The following CPEB3 variants were observed in gnomAD, a reference collection of about 807,000 sequenced individuals.
CPEB3 encodes cytoplasmic polyadenylation element-binding protein 3.
Under a neutral mutation model 67.2 loss-of-function variants are expected in CPEB3, and 20 were observed. The observed-to-expected ratio is 0.30, with a 90% CI of 0.21 to 0.43. The LOEUF (loss-of-function observed/expected upper bound fraction) is 0.43, where lower values mean the gene tolerates loss of function less well. CPEB3 is among the 20% of genes least tolerant of loss of function. The pLI is 1.00. For synonymous variants in CPEB3, 376 were observed against 393.1 expected (o/e 0.96, Z 0.51); for missense variants, 746 against 968.6 (o/e 0.77, Z 3.05).
intron 2 of CPEB3, among the ~76,000 whole-genome samples, chr10:92,219,437 G>C (rs752961513): frequency 6.6e-6 from 1 of 152,112 alleles, no homozygotes; most frequent in Non-Finnish European, 1.5e-5. Flanking sequence ...CCCCTTGTAT[G>C]CTTCAACCTT....
chr10:92,086,206 G>A (rs1177514097), intron 8 of CPEB3, among the ~76,000 whole-genome samples: 2 of 152,162 alleles, frequency 1.3e-5, no homozygotes, highest in Non-Finnish European at 2.9e-5. Flanking sequence ...ATAGGCAAGA[G>A]GCATAGGGCA....
intron 8 of CPEB3, among the ~76,000 whole-genome samples, chr10:92,082,119 G>A (rs1843176881): frequency 6.6e-6 from 1 of 152,130 alleles, no homozygotes; most frequent in Non-Finnish European, 1.5e-5. Flanking sequence ...AATGATAATA[G>A]CCACAATAAA....
At chr10:92,158,937 A>T (rs541931226) in intron 4 of CPEB3, among the ~76,000 whole-genome samples, 1 of 152,316 alleles carries the variant, frequency 6.6e-6, no homozygotes, top group African/African-American at 2.4e-5. Context: ...GTTCTATTTT[A>T]AAAAATGATT....
intron 2 of CPEB3, among the ~76,000 whole-genome samples, chr10:92,194,210 G>A (rs1263667760): frequency 6.6e-6 from 1 of 151,900 alleles, no homozygotes; most frequent in African/African-American, 2.4e-5. Flanking sequence ...GGGAGGCCGA[G>A]GTAGGCAGAT....
At chr10:92,068,701 G>A (rs1424970427) in intron 9 of CPEB3, among the ~76,000 whole-genome samples, 1 of 152,178 alleles carries the variant, frequency 6.6e-6, no homozygotes, top group Non-Finnish European at 1.5e-5. Context: ...CAAGGGAGGA[G>A]ACATGAAAGA....
intron 7 of CPEB3, among the ~76,000 whole-genome samples, chr10:92,093,012 TA>T (rs1843687009): frequency 6.6e-6 from 1 of 152,238 alleles, no homozygotes; most frequent in African/African-American, 2.4e-5. Flanking sequence ...TTTAGAATTT[TA>T]ACCTTAAAAC....
At chr10:92,177,603 AC>A (rs1398262192) in intron 4 of CPEB3, among the ~76,000 whole-genome samples, 3 of 152,206 alleles carry the variant, frequency 2.0e-5, no homozygotes, top group Admixed American at 6.5e-5. Flanking sequence ...CTGAAGGTTT[AC>A]TGGTAACTCT....
chr10:92,162,372 A>G (rs1042037557), intron 4 of CPEB3, among the ~76,000 whole-genome samples: 6 of 152,088 alleles, frequency 3.9e-5, no homozygotes, highest in African/African-American at 1.4e-4. Context: ...ATTGAGCAAT[A>G]TATTTATTAA....
intron 8 of CPEB3, among the ~76,000 whole-genome samples, chr10:92,085,879 G>A: frequency 6.6e-6 from 1 of 152,100 alleles, no homozygotes; most frequent in Admixed American, 6.5e-5. Context: ...CAAAGTGCTG[G>A]GATTACAGGC....
chr10:92,164,206 G>C (rs2133971974), intron 4 of CPEB3, among the ~76,000 whole-genome samples: 1 of 152,232 alleles, frequency 6.6e-6, no homozygotes, highest in South Asian at 2.1e-4. Flanking sequence ...GGCAAACCAA[G>C]GTCCAGAGAA....
intron 7 of CPEB3, among the ~76,000 whole-genome samples, chr10:92,110,297 T>C (rs1247473642): frequency 6.6e-6 from 1 of 152,200 alleles, no homozygotes; most frequent in African/African-American, 2.4e-5. Context: ...ATATTTTTAC[T>C]CTATTTGCCA....
intron 4 of CPEB3, among the ~76,000 whole-genome samples, chr10:92,157,661 A>G (rs903937019): frequency 6.6e-6 from 1 of 152,158 alleles, no homozygotes; most frequent in Non-Finnish European, 1.5e-5. Context: ...AGCCAACCTA[A>G]TAAGATCAAG....
chr10:92,246,538 C>T (rs1236884906), intron 1 of CPEB3, among the ~76,000 whole-genome samples: 4 of 148,500 alleles, frequency 2.7e-5, no homozygotes, highest in African/African-American at 9.9e-5. Context: ...GACAGAGTCT[C>T]ACTCTGTTGC....
intron 7 of CPEB3, among the ~76,000 whole-genome samples, chr10:92,097,836 C>T (rs1033113386): frequency 3.9e-5 from 6 of 152,050 alleles, no homozygotes; most frequent in Non-Finnish European, 8.8e-5. Flanking sequence ...CACCCATTAG[C>T]GTACTTAATT....
At chr10:92,190,309 T>C (rs1267512715) in intron 3 of CPEB3, among the ~76,000 whole-genome samples, 2 of 151,208 alleles carry the variant, frequency 1.3e-5, no homozygotes, top group African/African-American at 4.9e-5. Context: ...AGTTACCCTG[T>C]ACTTGAGTTT....
intron 6 of CPEB3, among the ~76,000 whole-genome samples, chr10:92,140,221 A>G (rs1846335197): frequency 1.3e-5 from 2 of 152,182 alleles, no homozygotes; most frequent in Admixed American, 1.3e-4. Context: ...ACACTACCTG[A>G]CTTCAAACTA....
At position 92,192,655 on chromosome 10, in the gene CPEB3, A is replaced by G. The variant is rs1849036583; in HGVS notation, c.1006-19T>C. The G allele has an allele frequency of 1.9e-6, 3 of 1,546,078 alleles. No individual in the cohort carries two copies. The highest frequency in any genetic ancestry group is 4.6e-5 in the East Asian group (2 of 43,684). On this transcript the variant is annotated intron_variant, in intron 2 of 9. Coordinates refer to ENST00000265997, the MANE Select transcript of CPEB3 (RefSeq NM_014912.5). The stretch of plus-strand genomic sequence containing the variant: ...TCCGGTCCTAAGAATAAAAACAAAA[A>G]CAAGACAATACATAAAATTACTTCA...
At chr10:92,184,697 A>T (rs1330584498) in intron 3 of CPEB3, among the ~76,000 whole-genome samples, 1 of 152,196 alleles carries the variant, frequency 6.6e-6, no homozygotes, top group Admixed American at 6.5e-5. Flanking sequence ...CCCCCAACTA[A>T]TAATGTAATT....
At chr10:92,106,425 T>C (rs1844457322) in intron 7 of CPEB3, among the ~76,000 whole-genome samples, 1 of 151,970 alleles carries the variant, frequency 6.6e-6, no homozygotes, top group African/African-American at 2.4e-5. Flanking sequence ...ATAGCTACGA[T>C]AATAGGTAAC....
Sources: gnomAD v4.1 joint callset for allele counts (sites outside exome capture counted in the v4.1 genomes callset) on GRCh38, gnomAD v4.1.1 for gene constraint, MANE v1.5 for transcripts, NCBI Gene and HGNC (gene_info 2026-07-23, HGNC 2026-07-21) for gene names.